Variants in KLF12 observed in about 807,000 individuals in gnomAD.
The protein encoded by KLF12 is Krueppel-like factor 12.
In KLF12, 9 loss-of-function variants were observed where a neutral mutation model predicts 37.8. The observed-to-expected ratio is 0.24, with a 90% confidence interval of 0.14 to 0.42. The LOEUF (loss-of-function observed/expected upper bound fraction) is 0.42. Ranked by LOEUF, KLF12 falls within the 10% of genes least tolerant of loss-of-function variation. The probability of loss-of-function intolerance (pLI) is 1.00; values close to 1 mark genes in which losing one functional copy is unlikely to be tolerated. For missense variants in KLF12, 411 were observed against 516.0 expected (o/e 0.80, Z 1.97); for synonymous variants, 208 against 202.1 (o/e 1.03, Z -0.25).
At chr13:74,164,588 G>C in the KLF12 span, among the ~76,000 whole-genome samples, 1 of 152,196 alleles carries the variant, frequency 6.6e-6, no homozygotes, top group African/African-American at 2.4e-5. Context: ...TTCTTTTGAA[G>C]TGTAAAAGAC....
At chr13:73,705,799 T>C (rs1874891893) in intron 7 of KLF12, among the ~76,000 whole-genome samples, 1 of 152,220 alleles carries the variant, frequency 6.6e-6, no homozygotes, top group East Asian at 1.9e-4. Context: ...CTTTGATGGA[T>C]GTATGGATAA....
intron 1 of KLF12, among the ~76,000 whole-genome samples, chr13:74,000,552 C>T (rs553967653): frequency 5.6e-4 from 86 of 152,224 alleles, no homozygotes; most frequent in Non-Finnish European, 1.1e-3. Flanking sequence ...ACGCTTCCAC[C>T]CAAGGATTCT....
intron 3 of KLF12, among the ~76,000 whole-genome samples, chr13:73,848,299 A>T (rs1885135515): frequency 6.6e-6 from 1 of 152,072 alleles, no homozygotes; most frequent in Non-Finnish European, 1.5e-5. Flanking sequence ...GTAGACAGAC[A>T]ATACAGGAGG....
intron 5 of KLF12, among the ~76,000 whole-genome samples, chr13:73,786,230 G>A (rs951251360): frequency 1.2e-4 from 19 of 152,136 alleles, no homozygotes; most frequent in Non-Finnish European, 1.9e-4. Flanking sequence ...CTGCTCTGCT[G>A]GCATAATGAC....
At position 73,905,410 on chromosome 13, in the gene KLF12, A is replaced by T. The variant is rs985080010; in HGVS notation, c.123+38571T>A. On this transcript the variant is annotated intron_variant, in intron 3 of 7. Coordinates refer to ENST00000377669, the MANE Select transcript of KLF12 (RefSeq NM_007249.5). ...ATAATCACTGCTAAATTAATCACCT[A>T]GGCAAGTAATAGTACAATAACTTTA... Among the ~76,000 whole-genome samples the T allele has an allele frequency of 1.7e-4, 26 of 152,156 alleles. 1 individual carries two copies. The highest frequency in any genetic ancestry group is 6.0e-4 in the African/African-American group (25 of 41,398).
At chr13:74,122,430 G>A (rs1314448550) in intron 1 of KLF12, among the ~76,000 whole-genome samples, 1 of 152,076 alleles carries the variant, frequency 6.6e-6, no homozygotes, top group African/African-American at 2.4e-5. Context: ...GGTGATTGGG[G>A]AGAGCGTATT....
intron 3 of KLF12, among the ~76,000 whole-genome samples, chr13:73,869,404 G>A (rs1223229842): frequency 2.6e-5 from 4 of 152,084 alleles, no homozygotes; most frequent in Non-Finnish European, 5.9e-5. Context: ...GGAAACACAT[G>A]TAAGTTTATA....
chr13:74,078,211 T>C (rs1281911477), intron 1 of KLF12, among the ~76,000 whole-genome samples: 1 of 152,146 alleles, frequency 6.6e-6, no homozygotes, highest in Non-Finnish European at 1.5e-5. Context: ...GCATTTACAG[T>C]CAAGGAGAAA....
At chr13:74,243,055 G>T in the KLF12 span, among the ~76,000 whole-genome samples, 1 of 152,134 alleles carries the variant, frequency 6.6e-6, no homozygotes, top group African/African-American at 2.4e-5. Flanking sequence ...TATCATCTAG[G>T]TTTTAAGCCC....
At chr13:74,019,312 T>C (rs1216235835) in intron 1 of KLF12, among the ~76,000 whole-genome samples, 1 of 152,204 alleles carries the variant, frequency 6.6e-6, no homozygotes, top group African/African-American at 2.4e-5. Flanking sequence ...ACTATATCTC[T>C]ACTCCCATAC....
intron 7 of KLF12, among the ~76,000 whole-genome samples, chr13:73,707,690 G>A (rs957635831): frequency 1.3e-5 from 2 of 152,102 alleles, no homozygotes; most frequent in Non-Finnish European, 1.5e-5. Flanking sequence ...GCACTCACTC[G>A]TCTGAAGTTA....
At chr13:74,032,827 G>T (rs565850633) in intron 1 of KLF12, among the ~76,000 whole-genome samples, 3 of 152,064 alleles carry the variant, frequency 2.0e-5, no homozygotes, top group Non-Finnish European at 4.4e-5. Context: ...ATACTTGATG[G>T]CTGACCAATA....
At chr13:73,988,870 G>A (rs1263620622) in intron 2 of KLF12, among the ~76,000 whole-genome samples, 1 of 152,200 alleles carries the variant, frequency 6.6e-6, no homozygotes, top group Non-Finnish European at 1.5e-5. Flanking sequence ...CAGGCAATAT[G>A]CAAATGCTTT....
chr13:73,743,193 T>C (rs916437008), intron 6 of KLF12, among the ~76,000 whole-genome samples: 1 of 152,214 alleles, frequency 6.6e-6, no homozygotes, highest in African/African-American at 2.4e-5. Flanking sequence ...TATTTAACGG[T>C]AGATCCTCTT....
intron 6 of KLF12, among the ~76,000 whole-genome samples, chr13:73,724,339 T>C (rs1717949039): frequency 6.6e-6 from 1 of 152,106 alleles, no homozygotes; most frequent in South Asian, 2.1e-4. Flanking sequence ...AGTTGAACAA[T>C]GAGAACACAT....
chr13:73,714,782 G>C (rs1170991944), intron 7 of KLF12, among the ~76,000 whole-genome samples: 1 of 152,102 alleles, frequency 6.6e-6, no homozygotes, highest in African/African-American at 2.4e-5. Flanking sequence ...GGGGAACAGT[G>C]GCAAAGGCAG....
At chr13:74,114,801 T>A (rs539038988) in intron 1 of KLF12, among the ~76,000 whole-genome samples, 3 of 152,216 alleles carry the variant, frequency 2.0e-5, no homozygotes, top group African/African-American at 7.2e-5. Context: ...CATACACATG[T>A]CCCCCTCCCT....
rs183567155 is a variant in KLF12, at chr13:74,037,751, T to A, written c.-31-42698A>T. Among the ~76,000 whole-genome samples the A allele has an allele frequency of 1.3e-3, 200 of 152,310 alleles. 5 individuals are homozygous for A. The highest frequency in any genetic ancestry group is 2.8e-4 in the Non-Finnish European group (19 of 68,026). On this transcript the variant is annotated intron_variant, in intron 1 of 7. Transcript: ENST00000377669. ...AAAGCCAACTTTAAGATAATTTTTT[T>A]AAACAGAAAATGTGTAAACTGATCA...
intron 2 of KLF12, among the ~76,000 whole-genome samples, chr13:73,988,933 T>TA (rs1365628316): frequency 6.6e-6 from 1 of 152,220 alleles, no homozygotes; most frequent in Non-Finnish European, 1.5e-5. Flanking sequence ...TAGGAACTAT[T>TA]ACTGTTATTG....
Sources: allele counts gnomAD v4.1 joint callset (sites outside exome capture counted in the v4.1 genomes callset), GRCh38; gene constraint gnomAD v4.1.1; transcripts MANE v1.5; gene names NCBI Gene and HGNC (gene_info 2026-07-23, HGNC 2026-07-21).